Variants in SWAP70 observed in about 807,000 individuals in gnomAD.
The protein encoded by SWAP70 is switching B cell complex subunit SWAP70.
A neutral mutation model predicts 80.2 loss-of-function variants in SWAP70; 34 were observed. The ratio of observed to expected loss-of-function variants is 0.42; its 90% confidence interval spans 0.32 to 0.56. SWAP70 has a LOEUF of 0.56. Among genes scored for constraint, SWAP70 ranks in the 20% least tolerant of loss-of-function variants. The pLI is 0.09. For missense variants in SWAP70, 578 were observed against 690.7 expected (o/e 0.84, Z 1.83); for synonymous variants, 239 against 238.5 (o/e 1.00, Z -0.02).
rs781537254 is a variant in SWAP70, at chr11:9,694,169, G to A, written c.123G>A (p.Thr41=). Residue 41 remains threonine, a synonymous_variant, in exon 2 of 12, where the codon ACG becomes ACA. Coordinates refer to ENST00000318950, the MANE Select transcript of SWAP70 (RefSeq NM_015055.4). ...AGGTCCTTTCCCATAACCTGTGCAC[G>A]GTGCTGAAGGTTCCTCATGACCCAG... The part of the protein sequence containing the change: ...QLKVLSHNLC[T]VLKVPHDPVA... The A allele has an allele frequency of 1.2e-5, 20 of 1,609,032 alleles. No individual in the cohort carries two copies. The highest frequency in any genetic ancestry group is 8.0e-5 in the African/African-American group (6 of 74,658).
intron 1 of SWAP70, among the ~76,000 whole-genome samples, chr11:9,682,245 C>T (rs12797744): frequency 6.6e-6 from 1 of 152,184 alleles, no homozygotes; most frequent in East Asian, 1.9e-4. Context: ...GGTGACAGAG[C>T]GGCTCACGCA....
chr11:9,678,318 T>G (rs1169546458), intron 1 of SWAP70, among the ~76,000 whole-genome samples: 1 of 152,178 alleles, frequency 6.6e-6, no homozygotes, highest in African/African-American at 2.4e-5. Flanking sequence ...ATATTTTTTA[T>G]GTAGATATCA....
intron 2 of SWAP70, among the ~76,000 whole-genome samples, chr11:9,712,627 T>TAGTA (rs1274878913): frequency 6.6e-6 from 1 of 152,112 alleles, no homozygotes; most frequent in Admixed American, 6.6e-5. Flanking sequence ...ACTTGGCTCG[T>TAGTA]AGTAGATGCT....
At chr11:9,741,657 C>T (rs1851439641) in intron 9 of SWAP70, 1 of 152,154 alleles carries the variant, frequency 6.6e-6, no homozygotes, top group African/African-American at 2.4e-5. Flanking sequence ...TATGACACAG[C>T]AGAGACTAGA....
intron 9 of SWAP70, among the ~76,000 whole-genome samples, chr11:9,745,420 A>T (rs989244402): frequency 6.6e-6 from 1 of 152,242 alleles, no homozygotes; most frequent in Non-Finnish European, 1.5e-5. Context: ...AGATGTTGAC[A>T]GGCTAGAATG....
intron 1 of SWAP70, 121 bp downstream of exon 1, chr11:9,664,399 G>A (rs1850283501): frequency 1.8e-6 from 2 of 1,094,396 alleles, no homozygotes; most frequent in Non-Finnish European, 2.6e-6. Context: ...GAATGCGCCC[G>A]GTAGGCCCGC....
intron 1 of SWAP70, among the ~76,000 whole-genome samples, chr11:9,676,330 C>A (rs1407176333): frequency 6.6e-6 from 1 of 152,162 alleles, no homozygotes; most frequent in African/African-American, 2.4e-5. Flanking sequence ...CAACGTTAGA[C>A]ATTTTTTCCA....
rs1474307410 is a variant in SWAP70, at chr11:9,724,867, A to G, written c.624A>G (p.Ile208Met). 1 of 1,605,592 alleles carries G rather than the reference A, an allele frequency of 6.2e-7. No individual in the cohort carries two copies. The highest frequency in any genetic ancestry group is 1.1e-5 in the South Asian group (1 of 90,172). ...TTAATGAAGTCTTTAATGAACTTAT[A>G]TTAGATGTGTTAAAGCAGGTAAGAA... ...MAINEVFNEL[I>M]LDVLKQGYMM... The change falls in exon 4 of 12, where the codon ATA becomes ATG. Residue 208 changes from isoleucine (I) to methionine (M), a missense_variant. Ile to Met is a conservative substitution (Grantham distance 10). Coordinates refer to ENST00000318950, the MANE Select transcript of SWAP70 (RefSeq NM_015055.4).
At chr11:9,672,195 C>CTATGTATATATATATATATATATATA (rs530619499) in intron 1 of SWAP70, among the ~76,000 whole-genome samples, 12 of 78,438 alleles carry the variant, frequency 1.5e-4, no homozygotes, top group Non-Finnish European at 2.1e-4. Context: ...ATGTGTGTGT[C>CTATGTATATATATATATATATATATA]TATATATATA....
At chr11:9,728,422 G>A (rs968516141) in intron 5 of SWAP70, among the ~76,000 whole-genome samples, 11 of 151,896 alleles carry the variant, frequency 7.2e-5, no homozygotes, top group South Asian at 2.1e-4. Context: ...CCTTCTACTC[G>A]TGAATAAAGT....
chr11:9,671,320 A>G (rs1405210688), intron 1 of SWAP70, among the ~76,000 whole-genome samples: 1 of 112,942 alleles, frequency 8.9e-6, no homozygotes, highest in Non-Finnish European at 1.6e-5. Flanking sequence ...AAATATAAAT[A>G]TAAAAATATA....
intron 3 of SWAP70, among the ~76,000 whole-genome samples, chr11:9,719,115 T>A (rs369614224): frequency 3.7e-4 from 39 of 106,212 alleles, no homozygotes; most frequent in African/African-American, 1.4e-3. Flanking sequence ...AAAAAAGATA[T>A]AATTGTCAGC....
At chr11:9,676,773 C>T (rs1468200533) in intron 1 of SWAP70, among the ~76,000 whole-genome samples, 1 of 151,910 alleles carries the variant, frequency 6.6e-6, no homozygotes, top group Non-Finnish European at 1.5e-5. Context: ...CCTCAGCCTC[C>T]TCAGTAGCTG....
intron 1 of SWAP70, among the ~76,000 whole-genome samples, chr11:9,693,758 C>T (rs534056143): frequency 1.6e-4 from 24 of 152,298 alleles, no homozygotes; most frequent in African/African-American, 5.5e-4. Context: ...CTCTGAACAG[C>T]TCTAATTGGC....
intron 4 of SWAP70, among the ~76,000 whole-genome samples, chr11:9,727,385 C>T (rs1191080519): frequency 6.6e-6 from 1 of 151,984 alleles, no homozygotes; most frequent in African/African-American, 2.4e-5. Context: ...AGCGACACTC[C>T]TAAAAAAAAA....
intron 2 of SWAP70, among the ~76,000 whole-genome samples, chr11:9,698,106 T>G (rs1410127709): frequency 6.8e-6 from 1 of 147,186 alleles, no homozygotes; most frequent in East Asian, 2.0e-4. Flanking sequence ...TTTTGTTTTT[T>G]TTTTTTTTTT....
At chr11:9,704,665 T>G (rs1850876942) in intron 2 of SWAP70, among the ~76,000 whole-genome samples, 1 of 152,186 alleles carries the variant, frequency 6.6e-6, no homozygotes, top group African/African-American at 2.4e-5. Context: ...AGCGCTGAGA[T>G]TGCAGGCATG....
In SWAP70 at chr11:9,728,068, A is replaced by G; in HGVS notation, c.658A>G (p.Lys220Glu). 6.2e-7 allele frequency: 1 copy of G among 1,607,536 alleles called. No homozygotes were observed. Among genetic ancestry groups the G allele is most frequent in the South Asian group, 1.1e-5 (1 of 89,834 alleles). The stretch of plus-strand genomic sequence containing the variant: ...TCTTTCACAGGGTTACATGATGAAA[A>G]AGGGCCACAGACGGAAAAACTGGAC... The part of the protein sequence containing the change: ...DVLKQGYMMK[K>E]GHRRKNWTER... The change falls in exon 5 of 12, where the codon AAG (lysine) becomes GAG (glutamate). Residue 220 changes from lysine to glutamate, a missense_variant. Transcript: ENST00000318950.
At chr11:9,686,729 A>G (rs1293578470) in intron 1 of SWAP70, among the ~76,000 whole-genome samples, 1 of 152,118 alleles carries the variant, frequency 6.6e-6, no homozygotes, top group Non-Finnish European at 1.5e-5. Context: ...CTTTATAATG[A>G]CTGTGAACTC....
Sources: allele counts gnomAD v4.1 joint callset (sites outside exome capture counted in the v4.1 genomes callset), GRCh38; gene constraint gnomAD v4.1.1; transcripts MANE v1.5; gene names NCBI Gene and HGNC (gene_info 2026-07-23, HGNC 2026-07-21).